The following LTBP1 variants were observed in gnomAD, a reference collection of about 807,000 sequenced individuals.
The protein encoded by LTBP1 is latent transforming growth factor beta binding protein 1, also known as latent-transforming growth factor beta-binding protein 1.
A neutral mutation model predicts 207.6 loss-of-function variants in LTBP1; 129 were observed. The ratio of observed to expected loss-of-function variants is 0.62; its 90% confidence interval spans 0.54 to 0.72. LTBP1 has a LOEUF of 0.72. LTBP1 is among the 30% of genes least tolerant of loss of function. LTBP1 has a pLI of 0.00. For synonymous variants in LTBP1, 963 were observed against 833.7 expected (o/e 1.16, Z -2.67); for missense variants, 2,281 against 2,217.2 (o/e 1.03, Z -0.58).
chr2:33,022,762 G>C (rs2075236685), intron 3 of LTBP1, among the ~76,000 whole-genome samples: 1 of 152,142 alleles, frequency 6.6e-6, no homozygotes, highest in African/African-American at 2.4e-5. Context: ...CATCTACTCA[G>C]TTCTGCCATG....
chr2:33,007,014 C>T (rs1377826987), intron 2 of LTBP1, among the ~76,000 whole-genome samples: 1 of 152,224 alleles, frequency 6.6e-6, no homozygotes, highest in African/African-American at 2.4e-5. Flanking sequence ...GCTGTATCCA[C>T]AGCCTGCGAA....
intron 2 of LTBP1, among the ~76,000 whole-genome samples, chr2:32,968,741 T>TA (rs1201123033): frequency 3.3e-5 from 5 of 151,048 alleles, no homozygotes; most frequent in Non-Finnish European, 7.4e-5. Context: ...TTTTTTTTTT[T>TA]AAGACAGGGT....
chr2:33,273,110 G>A (rs2093355077), intron 15 of LTBP1, among the ~76,000 whole-genome samples: 1 of 152,206 alleles, frequency 6.6e-6, no homozygotes. Flanking sequence ...ATAAGAGTAA[G>A]ATACACCAAG....
intron 15 of LTBP1, among the ~76,000 whole-genome samples, chr2:33,266,530 C>G (rs2093182337): frequency 6.6e-6 from 1 of 152,154 alleles, no homozygotes; most frequent in African/African-American, 2.4e-5. Flanking sequence ...TCATCGATAA[C>G]AGTTTGGCCA....
In LTBP1 at chr2:33,386,435, A is replaced by G. The variant is rs568732780; in HGVS notation, c.4712-2749A>G. Among the ~76,000 whole-genome samples the G allele has an allele frequency of 3.9e-5, 6 of 152,324 alleles. No individual in the cohort carries two copies. The South Asian group carries it at 1.2e-3, about 32-fold the overall frequency. On this transcript the variant is annotated intron_variant, in intron 31 of 33. Transcript: ENST00000404816. Reference sequence around the variant, plus strand: ...GCCCTGGCCAGCCCCTGATCATGGCATTCGACATCCCCGGACCTCAAGTCT... The same window carrying G: ...GCCCTGGCCAGCCCCTGATCATGGCGTTCGACATCCCCGGACCTCAAGTCT...
intron 3 of LTBP1, among the ~76,000 whole-genome samples, chr2:33,105,908 T>G (rs1488841857): frequency 6.6e-6 from 1 of 152,210 alleles, no homozygotes; most frequent in African/African-American, 2.4e-5. Context: ...CAGTGCTGTT[T>G]GATAGCATTT....
intron 5 of LTBP1, among the ~76,000 whole-genome samples, chr2:33,179,555 A>G (rs1055998133): frequency 6.6e-6 from 1 of 151,952 alleles, no homozygotes; most frequent in Non-Finnish European, 1.5e-5. Flanking sequence ...TGTCTTTTGC[A>G]TGTACTATGG....
Position 33,134,557 on chromosome 2 carries a change from T to A in LTBP1, c.1034-236T>A, listed in dbSNP as rs1193333992. ...ACTTCAAATGTGGTTTTGGAGTGCA[T>A]CCCAGAGTTCTGTTTGCTAAGCTTC... On this transcript the variant is annotated intron_variant, in intron 4 of 33. Transcript: ENST00000404816. The surrounding 1 kb of genome is among the most constrained non-coding windows in gnomAD (Gnocchi z 4.4). The A allele has an allele frequency of 3.3e-6, 5 of 1,528,486 alleles. No homozygotes were observed. In the African/African-American group the frequency reaches 6.9e-5, roughly 21 times the overall value. 94.7% of individuals were successfully genotyped at this position (1,528,486 alleles called of 1,614,324 possible).
At chr2:33,058,504 C>G (rs1572428426) in intron 3 of LTBP1, among the ~76,000 whole-genome samples, 1 of 152,152 alleles carries the variant, frequency 6.6e-6, no homozygotes, top group East Asian at 1.9e-4. Flanking sequence ...CCTGTTTTCC[C>G]TTTTTCTCCC....
At position 33,138,848 on chromosome 2, in the gene LTBP1, C is replaced by CTTTTT. The variant is rs71409603; in HGVS notation, c.1201+3912_1201+3916dup. 4.2e-4 allele frequency among the ~76,000 whole-genome samples: 33 copies of CTTTTT among 77,668 alleles called. 2 individuals are homozygous for CTTTTT. The highest frequency in any genetic ancestry group is 1.1e-3 in the African/African-American group (21 of 18,648). 51.0% of individuals were successfully genotyped at this position (77,668 alleles called of 152,430 possible). A position where few individuals can be genotyped will look rare whatever the true frequency, so the allele number is the denominator to read the frequency against. On this transcript the variant is annotated intron_variant, in intron 5 of 33. Coordinates refer to ENST00000404816, the MANE Select transcript of LTBP1 (RefSeq NM_206943.4). ...TTGGACCATTTAAAAAGTATGTTCT[C>CTTTTT]TTTTTTTTTTTTTTTTTTTTTTTTT...
intron 2 of LTBP1, among the ~76,000 whole-genome samples, chr2:32,960,892 T>C (rs219438): frequency 0.41 from 62,857 of 151,890 alleles, 13,783 homozygotes; most frequent in Non-Finnish European, 0.48. Context: ...TAATAGGTGA[T>C]ATAAGATAGG....
In LTBP1 at chr2:33,398,724, GACCAAATGGACATTTCTCTAAAAA is replaced by G; in HGVS notation, c.*184_*207del. The G allele has an allele frequency of 2.0e-6, 1 of 508,428 alleles. No homozygotes were observed. Among genetic ancestry groups the G allele is most frequent in the African/African-American group, 2.0e-5 (1 of 51,090 alleles). The allele number at this position is 508,428 out of a possible 1,614,324, so 31.5% of individuals were successfully genotyped here. A position where few individuals can be genotyped will look rare whatever the true frequency, so the allele number is the denominator to read the frequency against. On this transcript the variant is annotated 3_prime_UTR_variant, in exon 34 of 34. Coordinates refer to ENST00000404816, the MANE Select transcript of LTBP1 (RefSeq NM_206943.4). ...TAGGATGAGCCCGATAGGTGTGGCA[GACCAAATGGACATTTCTCTAAAAA>G]ACCAGTATATATAGTCTGTTCATAT...
intron 3 of LTBP1, among the ~76,000 whole-genome samples, chr2:33,064,479 G>A (rs2077411067): frequency 6.6e-6 from 1 of 152,130 alleles, no homozygotes; most frequent in South Asian, 2.1e-4. Flanking sequence ...TTCAGATTGG[G>A]TCTCCACACT....
At chr2:33,222,893 G>A (rs957242470) in intron 9 of LTBP1, among the ~76,000 whole-genome samples, 4 of 152,174 alleles carry the variant, frequency 2.6e-5, no homozygotes, top group African/African-American at 4.8e-5. Context: ...GAAGACCAAT[G>A]CTTCTAATTT....
At chr2:33,050,706 C>T (rs2076691579) in intron 3 of LTBP1, among the ~76,000 whole-genome samples, 1 of 151,406 alleles carries the variant, frequency 6.6e-6, no homozygotes, top group African/African-American at 2.4e-5. Flanking sequence ...TCCATTCTGG[C>T]TTTATGATCC....
intron 31 of LTBP1, among the ~76,000 whole-genome samples, chr2:33,375,506 C>A (rs946390771): frequency 6.6e-6 from 1 of 151,960 alleles, no homozygotes. Context: ...ACACAAAGGA[C>A]CATTATGTTG....
intron 7 of LTBP1, among the ~76,000 whole-genome samples, chr2:33,199,711 T>G (rs184654283): frequency 1.3e-5 from 2 of 152,198 alleles, no homozygotes; most frequent in South Asian, 2.1e-4. Flanking sequence ...GACATGATTG[T>G]ATATCTAGAA....
chr2:33,277,154 C>A (rs1159552710), intron 18 of LTBP1, among the ~76,000 whole-genome samples: 1 of 152,178 alleles, frequency 6.6e-6, no homozygotes, highest in African/African-American at 2.4e-5. Flanking sequence ...ATGACCCAGG[C>A]CTGGAGGGAG....
chr2:33,375,053 T>C (rs1332900559), intron 31 of LTBP1, among the ~76,000 whole-genome samples: 1 of 152,208 alleles, frequency 6.6e-6, no homozygotes, highest in Non-Finnish European at 1.5e-5. Flanking sequence ...AAAAGATTAT[T>C]GCAAAATAAA....
Sources: allele counts gnomAD v4.1 joint callset (sites outside exome capture counted in the v4.1 genomes callset), GRCh38; gene constraint gnomAD v4.1.1; non-coding constraint Gnocchi (gnomAD v3.1); transcripts MANE v1.5; gene names NCBI Gene and HGNC (gene_info 2026-07-23, HGNC 2026-07-21).